SMARCAD1: variants seen among roughly 807,000 people sequenced by gnomAD.
SMARCAD1 encodes the protein SNF2 related chromatin remodeling ATPase with DExD box 1.
In SMARCAD1, 25 loss-of-function variants were observed where a neutral mutation model predicts 127.1. The ratio of observed to expected loss-of-function variants is 0.20; its 90% CI spans 0.14 to 0.27. The LOEUF is 0.27. Among genes scored for constraint, SMARCAD1 ranks in the 10% least tolerant of loss-of-function variants. The pLI, the probability that SMARCAD1 is intolerant of heterozygous loss-of-function variation, is 1.00. For missense variants in SMARCAD1, 807 were observed against 1,206.0 expected (o/e 0.67, Z 4.90); for synonymous variants, 400 against 396.9 (o/e 1.01, Z -0.09).
chr4:94,243,483 A>G (rs1274967494), intron 6 of SMARCAD1, among the ~76,000 whole-genome samples: 1 of 152,164 alleles, frequency 6.6e-6, no homozygotes, highest in Non-Finnish European at 1.5e-5. Flanking sequence ...CTCAAGTCTC[A>G]TGGTCATTTG....
chr4:94,273,327 T>C (rs1752812711), intron 11 of SMARCAD1, among the ~76,000 whole-genome samples: 1 of 152,220 alleles, frequency 6.6e-6, no homozygotes. Flanking sequence ...ATAACCAAAA[T>C]TATATCCTTT....
At chr4:94,262,382 C>G (rs990764086) in intron 9 of SMARCAD1, among the ~76,000 whole-genome samples, 1 of 152,164 alleles carries the variant, frequency 6.6e-6, no homozygotes, top group Non-Finnish European at 1.5e-5. Context: ...TGGGTTCTAC[C>G]TCCTGAAGAT....
chr4:94,279,376 G>A (rs921377106), intron 19 of SMARCAD1, among the ~76,000 whole-genome samples: 3 of 152,122 alleles, frequency 2.0e-5, no homozygotes, highest in Non-Finnish European at 4.4e-5. Flanking sequence ...CTGAGCTCAA[G>A]CGATTCGCCC....
At chr4:94,287,594 A>C (rs1283283887) in intron 23 of SMARCAD1, among the ~76,000 whole-genome samples, 1 of 152,158 alleles carries the variant, frequency 6.6e-6, no homozygotes, top group Non-Finnish European at 1.5e-5. Context: ...GCCCCATTCT[A>C]TACCTACTTA....
intron 21 of SMARCAD1, among the ~76,000 whole-genome samples, chr4:94,282,890 A>G (rs1243763907): frequency 6.6e-6 from 1 of 152,162 alleles, no homozygotes; most frequent in Non-Finnish European, 1.5e-5. Flanking sequence ...AATTAATTGA[A>G]TCTGAATAGT....
At chr4:94,215,440 G>A (rs990203584) in intron 2 of SMARCAD1, among the ~76,000 whole-genome samples, 4 of 152,082 alleles carry the variant, frequency 2.6e-5, no homozygotes, top group African/African-American at 9.7e-5. Context: ...GGGCAATGTA[G>A]TGAGACCCTG....
chr4:94,216,516 T>G (rs1743218288), intron 2 of SMARCAD1, among the ~76,000 whole-genome samples: 1 of 152,212 alleles, frequency 6.6e-6, no homozygotes, highest in African/African-American at 2.4e-5. Context: ...TACAGTTCAG[T>G]ACATTCAGTT....
chr4:94,218,850 C>A (rs1743628548), intron 2 of SMARCAD1, among the ~76,000 whole-genome samples: 1 of 152,040 alleles, frequency 6.6e-6, no homozygotes, highest in African/African-American at 2.4e-5. Context: ...CTCACTCTGT[C>A]ACCCAGGCTG....
At chr4:94,214,265 GTTT>G (rs11418046) in intron 2 of SMARCAD1, among the ~76,000 whole-genome samples, 251 of 131,730 alleles carry the variant, frequency 1.9e-3, no homozygotes, top group African/African-American at 5.9e-3. Flanking sequence ...GCGTTCTTTT[GTTT>G]TTTTTTTTTT....
At chr4:94,253,120 T>A (rs1749528889) in intron 9 of SMARCAD1, 113 bp downstream of exon 9, 2 of 1,560,284 alleles carry the variant, frequency 1.3e-6, no homozygotes, top group East Asian at 2.2e-5. Context: ...GGCCTTATCC[T>A]GTGTAAAGTC....
chr4:94,284,311 A>G (rs1754544642), intron 22 of SMARCAD1, among the ~76,000 whole-genome samples: 1 of 129,586 alleles, frequency 7.7e-6, no homozygotes, highest in Admixed American at 8.3e-5. Flanking sequence ...TGGGTGACGG[A>G]GCAAGACTCC....
intron 6 of SMARCAD1, among the ~76,000 whole-genome samples, chr4:94,245,050 G>A (rs1748206737): frequency 6.6e-6 from 1 of 152,168 alleles, no homozygotes; most frequent in African/African-American, 2.4e-5. Flanking sequence ...TACCGAGAGT[G>A]TTTGTGTTAT....
intron 16 of SMARCAD1, 122 bp downstream of exon 16, chr4:94,277,281 G>T: frequency 8.9e-7 from 1 of 1,120,206 alleles, no homozygotes; most frequent in Non-Finnish European, 1.3e-6. Context: ...CTTTAAGTAG[G>T]TGATAACTCT....
At chr4:94,227,234 T>A (rs1163479610) in intron 3 of SMARCAD1, among the ~76,000 whole-genome samples, 1 of 151,980 alleles carries the variant, frequency 6.6e-6, no homozygotes, top group African/African-American at 2.4e-5. Flanking sequence ...GAGTGAAGGA[T>A]CTGAAGCCAT....
At position 94,234,110 on chromosome 4, in the gene SMARCAD1, T is replaced by C. The variant is rs1430277560; in HGVS notation, c.525T>C (p.Asn175=). 1.2e-6 allele frequency: 2 copies of C among 1,604,052 alleles called. No individual in the cohort carries two copies. The highest frequency in any genetic ancestry group is 1.3e-5 in the African/African-American group (1 of 74,752). ...LKELFPQRSD[N]DLLKLIESTS... is the part of the protein sequence containing the mutation. The stretch of plus-strand genomic sequence containing the variant: ...AACTTTTTCCACAAAGAAGTGACAA[T>C]GATTTACTTAAGGTTATATTCATTG... The change falls in exon 4 of 24, where the codon AAT becomes AAC. Residue 175 remains asparagine, a synonymous_variant. Coordinates refer to ENST00000354268, the MANE Select transcript of SMARCAD1 (RefSeq NM_020159.5).
At position 94,226,123 on chromosome 4, in the gene SMARCAD1, T is replaced by G; in HGVS notation, c.195T>G (p.Asp65Glu). The change falls in exon 3 of 24, where the codon GAT becomes GAG. Residue 65 changes from aspartate to glutamate, a missense_variant. Coordinates refer to ENST00000354268, the MANE Select transcript of SMARCAD1 (RefSeq NM_020159.5). ...CTCCTTTTTATTCTCTTGCAGAAGATTCTAGTGTTCCAGAAACTCCAGATA... is the reference window on the plus strand; with the variant it reads ...CTCCTTTTTATTCTCTTGCAGAAGAGTCTAGTGTTCCAGAAACTCCAGATA... ...PDSDITEKTEDSSVPETPDNE... is the reference protein window; with the variant it reads ...PDSDITEKTEESSVPETPDNE... 6.2e-7 allele frequency: 1 copy of G among 1,609,230 alleles called. No individual in the cohort carries two copies. Among genetic ancestry groups the G allele is most frequent in the Non-Finnish European group, 8.5e-7 (1 of 1,176,184 alleles).
chr4:94,253,750 G>T, intron 9 of SMARCAD1: 3 of 906,870 alleles, frequency 3.3e-6, no homozygotes, highest in Non-Finnish European at 4.0e-6. Flanking sequence ...TGCATTTTGA[G>T]TTTTATGAAT....
In SMARCAD1 at chr4:94,275,024, G is replaced by T. The variant is rs1247188844; in HGVS notation, c.1808+59G>T. On this transcript the variant is annotated intron_variant, in intron 14 of 23. Transcript: ENST00000354268. ...TTATGCAGCCCCCAAATTTAAAAAA[G>T]AAATTGTAGTAGTACTATGTAGGAA... The T allele has an allele frequency of 5.2e-6, 6 of 1,163,728 alleles. No homozygotes were observed. The Admixed American group carries it at 6.8e-5, about 13-fold the overall frequency. 72.1% of individuals were successfully genotyped at this position (1,163,728 alleles called of 1,614,324 possible).
At position 94,281,511 on chromosome 4, in the gene SMARCAD1, C is replaced by T; in HGVS notation, c.2647C>T (p.Leu883=). Residue 883 remains leucine, a synonymous_variant, in exon 21 of 24, where the codon CTG becomes TTG. Coordinates refer to ENST00000354268, the MANE Select transcript of SMARCAD1 (RefSeq NM_020159.5). Reference sequence around the variant, plus strand: ...GTTATTTAGCCAATTTACCATGATGCTGGATATCTTAGAGGTTCTATTAAA... The same window carrying T: ...GTTATTTAGCCAATTTACCATGATGTTGGATATCTTAGAGGTTCTATTAAA... ...VVLFSQFTMM[L]DILEVLLKHH... The T allele has an allele frequency of 1.2e-6, 2 of 1,612,970 alleles. No homozygotes were observed. The highest frequency in any genetic ancestry group is 8.5e-7 in the Non-Finnish European group (1 of 1,179,216).
Sources: gnomAD v4.1 joint callset for allele counts (sites outside exome capture counted in the v4.1 genomes callset) on GRCh38, gnomAD v4.1.1 for gene constraint, MANE v1.5 for transcripts, NCBI Gene and HGNC (gene_info 2026-07-23, HGNC 2026-07-21) for gene names.